TACC1: variants seen among roughly 807,000 people sequenced by gnomAD.
The protein encoded by TACC1 is transforming acidic coiled-coil containing protein 1, also known as transforming acidic coiled-coil-containing protein 1.
In TACC1, 48 loss-of-function variants were observed where a neutral mutation model predicts 84.4. That is an observed-to-expected ratio of 0.57 (90% CI 0.45 to 0.72). The LOEUF (loss-of-function observed/expected upper bound fraction) is 0.72. Among genes scored for constraint, TACC1 ranks in the 30% least tolerant of loss-of-function variants. The probability of loss-of-function intolerance (pLI) is 0.00; values close to 1 mark genes in which losing one functional copy is unlikely to be tolerated. For synonymous variants in TACC1, 372 were observed against 376.3 expected, an observed-to-expected ratio of 0.99 and a Z score of 0.13; for missense variants, 920 against 973.0, an observed-to-expected ratio of 0.95 and a Z score of 0.72.
intron 3 of TACC1, among the ~76,000 whole-genome samples, chr8:38,746,692 A>C (rs1050001958): frequency 4.6e-5 from 7 of 152,228 alleles, no homozygotes; most frequent in Non-Finnish European, 8.8e-5. Context: ...TCTACTTAAG[A>C]AATTATACTT....
chr8:38,843,534 T>C (rs1831653604), intron 11 of TACC1, 139 bp downstream of exon 11: 2 of 530,002 alleles, frequency 3.8e-6, no homozygotes, highest in Admixed American at 4.1e-5. Flanking sequence ...CCTTTTCCCA[T>C]TGTTAAAACA....
chr8:38,811,746 A>G (rs1462138976), intron 2 of TACC1, among the ~76,000 whole-genome samples: 2 of 152,214 alleles, frequency 1.3e-5, no homozygotes, highest in Non-Finnish European at 2.9e-5. Context: ...TTTAAACAAT[A>G]TGAAATCAGT....
intron 5 of TACC1, among the ~76,000 whole-genome samples, chr8:38,828,264 G>A (rs953958064): frequency 1.3e-5 from 2 of 152,184 alleles, no homozygotes; most frequent in Admixed American, 1.3e-4. Context: ...GAGAAACAAA[G>A]TAAGTCAAAG....
intron 2 of TACC1, among the ~76,000 whole-genome samples, chr8:38,791,957 A>T (rs1459675126): frequency 1.3e-5 from 2 of 152,244 alleles, no homozygotes; most frequent in African/African-American, 4.8e-5. Context: ...GAACTGCTTT[A>T]GGAACTTGCA....
At chr8:38,746,128 G>A (rs1055301212) in intron 3 of TACC1, among the ~76,000 whole-genome samples, 2 of 152,198 alleles carry the variant, frequency 1.3e-5, no homozygotes, top group Non-Finnish European at 2.9e-5. Flanking sequence ...GCAAGGGCTT[G>A]AAAGTGTTAT....
intron 1 of TACC1, among the ~76,000 whole-genome samples, chr8:38,733,442 G>A (rs532949114): frequency 6.2e-4 from 95 of 152,206 alleles, no homozygotes; most frequent in Non-Finnish European, 1.2e-3. Context: ...AGTGACTAGG[G>A]GAGATGCACT....
intron 2 of TACC1, among the ~76,000 whole-genome samples, chr8:38,794,329 G>A (rs904462262): frequency 9.2e-5 from 14 of 151,896 alleles, no homozygotes; most frequent in African/African-American, 2.9e-4. Flanking sequence ...TAGTGATGGG[G>A]TTTCACTGTG....
intron 6 of TACC1, 135 bp from the exon 7 acceptor site, chr8:38,836,027 G>T: frequency 8.4e-7 from 1 of 1,193,102 alleles, no homozygotes; most frequent in Non-Finnish European, 1.1e-6. Context: ...TTTTTAAAAA[G>T]CTTCCCCCCG....
In TACC1 at chr8:38,776,493, C is replaced by CAT. The variant is rs555107410; in HGVS notation, c.27-12209_27-12208dup. ...TTAGATTTTGGAATATTTGCATATA[C>CAT]ATAATGAGATAGCTTGGGGATGGGA... On this transcript the variant is annotated intron_variant, in intron 3 of 14. Transcript: ENST00000518415. Among the ~76,000 whole-genome samples, 74 of 152,306 alleles carry CAT rather than the reference C, an allele frequency of 4.9e-4. No homozygotes were observed. The South Asian group carries it at 0.015, about 30-fold the overall frequency.
At chr8:38,847,580 C>T (rs1174685183) in intron 12 of TACC1, among the ~76,000 whole-genome samples, 1 of 152,128 alleles carries the variant, frequency 6.6e-6, no homozygotes, top group Non-Finnish European at 1.5e-5. Context: ...AACGGTGCTC[C>T]CTGGGAGATT....
At chr8:38,791,120 G>A (rs1818542511) in intron 2 of TACC1, among the ~76,000 whole-genome samples, 2 of 152,072 alleles carry the variant, frequency 1.3e-5, no homozygotes, top group Admixed American at 6.6e-5. Flanking sequence ...CTTCCTCATC[G>A]TTTTGTCAGC....
intron 2 of TACC1, among the ~76,000 whole-genome samples, chr8:38,794,982 T>A (rs1187822557): frequency 6.6e-6 from 1 of 152,248 alleles, no homozygotes; most frequent in Admixed American, 6.5e-5. Flanking sequence ...TGTTAAGGTA[T>A]TTAAAGCTTG....
In TACC1 at chr8:38,730,190, G is replaced by A. The variant is rs1325163378; in HGVS notation, c.-675+1519G>A. ...TTGCCCCTGTCTAGGCTCTTACTCC[G>A]TCCTCCCATCCGCCTCCTTGAATGA... On this transcript the variant is annotated intron_variant, in intron 1 of 14. Coordinates refer to the TACC1 transcript ENST00000518415. Among the ~76,000 whole-genome samples, 5 of 152,176 alleles carry A rather than the reference G, an allele frequency of 3.3e-5. No individual in the cohort carries two copies. In the East Asian group the frequency reaches 9.6e-4, roughly 29 times the overall value.
intron 1 of TACC1, among the ~76,000 whole-genome samples, chr8:38,741,448 C>T (rs555323538): frequency 3.9e-5 from 6 of 152,268 alleles, no homozygotes; most frequent in East Asian, 3.9e-4. Context: ...CAGGAGCCGC[C>T]GCGCCTGGCC....
intron 2 of TACC1, among the ~76,000 whole-genome samples, chr8:38,811,897 G>A (rs1358251115): frequency 6.6e-6 from 1 of 152,112 alleles, no homozygotes; most frequent in Admixed American, 6.5e-5. Flanking sequence ...CATGCAAGTA[G>A]GAGAGAGATT....
At chr8:38,812,159 A>G (rs763987170) in intron 2 of TACC1, among the ~76,000 whole-genome samples, 2 of 152,190 alleles carry the variant, frequency 1.3e-5, no homozygotes, top group Non-Finnish European at 2.9e-5. Flanking sequence ...GTTTATCAAG[A>G]CAATATGTGC....
chr8:38,840,998 G>A (rs185431892), intron 9 of TACC1, among the ~76,000 whole-genome samples: 6 of 152,260 alleles, frequency 3.9e-5, no homozygotes, highest in Admixed American at 1.3e-4. Context: ...ATGGTGAGCC[G>A]AGATCGTGCC....
At chr8:38,799,542 T>C (rs1820851785) in intron 2 of TACC1, 3 of 152,166 alleles carry the variant, frequency 2.0e-5, no homozygotes, top group Non-Finnish European at 4.4e-5. Context: ...AGGGAAGAAA[T>C]TCCCCCGCAA....
chr8:38,774,935 C>A (rs1587537750), intron 3 of TACC1, among the ~76,000 whole-genome samples: 1 of 149,444 alleles, frequency 6.7e-6, no homozygotes, highest in East Asian at 1.9e-4. Context: ...CGCTTGAACC[C>A]CAGAGGCAGA....
Sources: gnomAD v4.1 joint callset for allele counts (sites outside exome capture counted in the v4.1 genomes callset) on GRCh38, gnomAD v4.1.1 for gene constraint, MANE v1.5 for transcripts, NCBI Gene and HGNC (gene_info 2026-07-23, HGNC 2026-07-21) for gene names.